Variants in ROBO1 observed in about 807,000 individuals in gnomAD.
ROBO1 encodes the protein roundabout guidance receptor 1.
Under a neutral mutation model 195.9 loss-of-function variants are expected in ROBO1, and 149 were observed. The ratio of observed to expected loss-of-function variants is 0.76; its 90% CI spans 0.67 to 0.87. ROBO1 has a LOEUF of 0.87. Among genes scored for constraint, ROBO1 ranks in the 40% least tolerant of loss-of-function variants. The probability of loss-of-function intolerance (pLI) is 0.00; values close to 1 mark genes in which losing one functional copy is unlikely to be tolerated. For synonymous variants in ROBO1, 816 were observed against 733.2 expected, an observed-to-expected ratio of 1.11 and a Z score of -1.82; for missense variants, 1,933 against 2,068.3, an observed-to-expected ratio of 0.93 and a Z score of 1.27.
At chr3:79,602,840 T>C (rs1206404182) in intron 1 of ROBO1, among the ~76,000 whole-genome samples, 2 of 151,972 alleles carry the variant, frequency 1.3e-5, no homozygotes, top group African/African-American at 4.8e-5. Flanking sequence ...GCAGTTTGCT[T>C]TCTTTGGGCA....
intron 2 of ROBO1, among the ~76,000 whole-genome samples, chr3:79,482,447 G>C (rs1266097273): frequency 6.6e-6 from 1 of 152,006 alleles, no homozygotes; most frequent in South Asian, 2.1e-4. Context: ...GTTTTATAAG[G>C]GTAAACCCCT....
intron 2 of ROBO1, among the ~76,000 whole-genome samples, chr3:79,556,273 T>C (rs986385288): frequency 1.3e-5 from 2 of 152,124 alleles, no homozygotes; most frequent in African/African-American, 4.8e-5. Context: ...ATGCCAAATA[T>C]GATTGTAAAA....
chr3:79,137,597 A>C (rs2108602924), intron 2 of ROBO1, among the ~76,000 whole-genome samples: 1 of 152,176 alleles, frequency 6.6e-6, no homozygotes, highest in South Asian at 2.1e-4. Context: ...GTTCTTATGT[A>C]ATGCTTACAG....
chr3:78,853,564 G>A (rs1559926270), intron 4 of ROBO1, among the ~76,000 whole-genome samples: 1 of 151,716 alleles, frequency 6.6e-6, no homozygotes, highest in Non-Finnish European at 1.5e-5. Context: ...TGTTCAAACA[G>A]CAGTCTAGAT....
At chr3:79,405,302 C>T (rs1353913227) in intron 2 of ROBO1, among the ~76,000 whole-genome samples, 2 of 152,142 alleles carry the variant, frequency 1.3e-5, no homozygotes, top group African/African-American at 4.8e-5. Context: ...ACCCCGACTG[C>T]CACTGGTGCT....
chr3:78,820,004 T>G (rs1392713145), intron 4 of ROBO1, among the ~76,000 whole-genome samples: 2 of 152,232 alleles, frequency 1.3e-5, no homozygotes, highest in African/African-American at 4.8e-5. Flanking sequence ...TGTCTATAAA[T>G]AGGTCTTTAT....
intron 2 of ROBO1, among the ~76,000 whole-genome samples, chr3:79,534,183 T>C (rs898623190): frequency 7.0e-6 from 1 of 143,474 alleles, no homozygotes; most frequent in Admixed American, 6.9e-5. Context: ...AAAAATCAAT[T>C]CTTCACCAGA....
intron 2 of ROBO1, among the ~76,000 whole-genome samples, chr3:79,334,166 G>A (rs939516662): frequency 3.3e-4 from 50 of 151,782 alleles, no homozygotes; most frequent in Admixed American, 1.6e-3. Flanking sequence ...TTAGCCGGGC[G>A]TGGTGGTGCA....
chr3:78,950,780 T>C (rs2040736712), intron 3 of ROBO1, among the ~76,000 whole-genome samples: 2 of 151,898 alleles, frequency 1.3e-5, no homozygotes, highest in Non-Finnish European at 2.9e-5. Context: ...GCAAATGATT[T>C]CATAGTTACT....
At chr3:79,593,332 C>G (rs1944064384) in intron 1 of ROBO1, among the ~76,000 whole-genome samples, 2 of 152,012 alleles carry the variant, frequency 1.3e-5, no homozygotes, top group Admixed American at 6.6e-5. Context: ...AAGAAACTGT[C>G]AAATTGTCTT....
intron 2 of ROBO1, among the ~76,000 whole-genome samples, chr3:79,219,076 T>C (rs1559743470): frequency 1.3e-5 from 2 of 152,078 alleles, no homozygotes; most frequent in Non-Finnish European, 2.9e-5. Context: ...CTAATGTATG[T>C]TTCTTGAAAG....
chr3:78,783,239 A>T (rs2083733376), intron 4 of ROBO1, among the ~76,000 whole-genome samples: 1 of 152,080 alleles, frequency 6.6e-6, no homozygotes, highest in Non-Finnish European at 1.5e-5. Context: ...ACCTCCTCTG[A>T]GTCTCTATTA....
At chr3:78,802,081 G>T (rs538349513) in intron 4 of ROBO1, among the ~76,000 whole-genome samples, 6 of 152,032 alleles carry the variant, frequency 3.9e-5, no homozygotes, top group Non-Finnish European at 7.4e-5. Flanking sequence ...CCATTACTAT[G>T]CAATTAACAT....
At chr3:79,433,239 T>A (rs925273864) in intron 2 of ROBO1, among the ~76,000 whole-genome samples, 19 of 152,190 alleles carry the variant, frequency 1.2e-4, no homozygotes, top group African/African-American at 4.6e-4. Context: ...GTCCATATGT[T>A]CTCATCATTC....
intron 4 of ROBO1, among the ~76,000 whole-genome samples, chr3:78,937,333 CTA>C (rs2039867299): frequency 6.6e-6 from 1 of 151,600 alleles, no homozygotes; most frequent in East Asian, 1.9e-4. Flanking sequence ...ATTTTGGAGA[CTA>C]TGAAAACTAA....
At chr3:79,659,277 A>G (rs377331626) in intron 1 of ROBO1, among the ~76,000 whole-genome samples, 3 of 152,138 alleles carry the variant, frequency 2.0e-5, no homozygotes, top group African/African-American at 7.2e-5. Context: ...TCACACAAAT[A>G]TCTTCAGAAC....
chr3:78,647,413 G>A (rs947633401), intron 20 of ROBO1, among the ~76,000 whole-genome samples: 1 of 151,986 alleles, frequency 6.6e-6, no homozygotes, highest in African/African-American at 2.4e-5. Context: ...GATCCAGTGT[G>A]GAATTGTGAA....
Position 78,881,512 on chromosome 3 carries a change from T to G in ROBO1, c.499+57089A>C, listed in dbSNP as rs149278031. 3.6e-3 allele frequency among the ~76,000 whole-genome samples: 546 copies of G among 152,350 alleles called. 4 individuals carry two copies. The highest frequency in any genetic ancestry group is 0.012 in the African/African-American group (511 of 41,594). The stretch of plus-strand genomic sequence containing the variant: ...TTAAAAGCATTTTTCTTTCATTGGC[T>G]AATTTTGAAGAGTATGGTTATTTTT... On this transcript the variant is annotated intron_variant, in intron 4 of 30. Coordinates refer to ENST00000464233, the MANE Select transcript of ROBO1 (RefSeq NM_002941.4).
At chr3:79,440,579 C>T (rs953850726) in intron 2 of ROBO1, among the ~76,000 whole-genome samples, 2 of 152,110 alleles carry the variant, frequency 1.3e-5, no homozygotes, top group Admixed American at 6.6e-5. Context: ...ACAAGCTCCC[C>T]TTGTTTATAT....
Sources: gnomAD v4.1 joint callset for allele counts (sites outside exome capture counted in the v4.1 genomes callset) on GRCh38, gnomAD v4.1.1 for gene constraint, MANE v1.5 for transcripts, NCBI Gene and HGNC (gene_info 2026-07-23, HGNC 2026-07-21) for gene names.